TENM1: variants seen among roughly 807,000 people sequenced by gnomAD.
The protein encoded by TENM1 is teneurin-1.
In TENM1, 35 loss-of-function variants were observed where a neutral mutation model predicts 174.8. That is an observed-to-expected ratio of 0.20 (90% CI 0.15 to 0.27). The LOEUF (loss-of-function observed/expected upper bound fraction) is 0.27. Among genes scored for constraint, TENM1 ranks in the 10% least tolerant of loss-of-function variants. The pLI, the probability that TENM1 is intolerant of heterozygous loss-of-function variation, is 1.00. For missense variants in TENM1, 1,633 were observed against 2,130.1 expected, an observed-to-expected ratio of 0.77 and a Z score of 4.59; for synonymous variants, 781 against 798.7, an observed-to-expected ratio of 0.98 and a Z score of 0.37.
At chrX:124,768,868 T>C (rs1442239850) in intron 3 of TENM1, among the ~76,000 whole-genome samples, 1 of 112,443 alleles carries the variant, frequency 8.9e-6, no homozygotes, top group Non-Finnish European at 1.9e-5. Flanking sequence ...AGAATCTAAA[T>C]GTTGTCCATT....
intron 28 of TENM1, among the ~76,000 whole-genome samples, chrX:124,386,911 G>A (rs748846050): frequency 2.0e-4 from 22 of 108,790 alleles, no homozygotes; most frequent in Admixed American, 1.8e-3. Context: ...GTTAAGGGAC[G>A]GTTGCAAGAG....
chrX:124,770,781 G>C (rs1008004873), intron 3 of TENM1, among the ~76,000 whole-genome samples: 1 of 109,228 alleles, frequency 9.2e-6, no homozygotes, highest in Admixed American at 9.8e-5. Context: ...TCTTTCTTGC[G>C]TTCTTTTTCT....
At chrX:124,465,079 A>G (rs1227424944) in intron 22 of TENM1, among the ~76,000 whole-genome samples, 1 of 111,973 alleles carries the variant, frequency 8.9e-6, no homozygotes, top group Admixed American at 9.5e-5. Flanking sequence ...GACTTTAACA[A>G]ATTTAAATAG....
chrX:125,106,990 A>G, the TENM1 span, among the ~76,000 whole-genome samples: 1 of 111,997 alleles, frequency 8.9e-6, no homozygotes, highest in Non-Finnish European at 1.9e-5. Flanking sequence ...TAGCCTGGAC[A>G]TCAGTGCAAC....
At chrX:124,680,939 A>G (rs1489161695) in intron 5 of TENM1, among the ~76,000 whole-genome samples, 1 of 111,051 alleles carries the variant, frequency 9.0e-6, no homozygotes, top group Non-Finnish European at 1.9e-5. Context: ...AAAGACCCAA[A>G]TAAAACTTGT....
chrX:124,888,295 C>T (rs1303134675), intron 3 of TENM1, among the ~76,000 whole-genome samples: 1 of 111,522 alleles, frequency 9.0e-6, no homozygotes, highest in Non-Finnish European at 1.9e-5. Flanking sequence ...ATTCCCTTAC[C>T]TGTAAAGTTG....
intron 11 of TENM1, among the ~76,000 whole-genome samples, chrX:124,581,461 T>C (rs2049309187): frequency 9.0e-6 from 1 of 111,697 alleles, no homozygotes; most frequent in Non-Finnish European, 1.9e-5. Context: ...CTAAGTGATC[T>C]CAAGTCTCTG....
the TENM1 span, among the ~76,000 whole-genome samples, chrX:125,082,513 T>C: frequency 9.0e-6 from 1 of 111,283 alleles, no homozygotes; most frequent in Non-Finnish European, 1.9e-5. Context: ...TTTTGTCTAA[T>C]AGTGCATGCT....
the TENM1 span, among the ~76,000 whole-genome samples, chrX:125,087,843 T>G: frequency 1.0e-3 from 112 of 111,341 alleles, no homozygotes; most frequent in African/African-American, 3.4e-3. Context: ...TATAAATGAT[T>G]GAATAAATAA....
intron 3 of TENM1, among the ~76,000 whole-genome samples, chrX:124,831,681 T>C (rs777223733): frequency 8.9e-6 from 1 of 112,012 alleles, no homozygotes; most frequent in South Asian, 3.7e-4. Flanking sequence ...AAAGTTGACA[T>C]CCTGAGAACT....
chrX:124,685,300 A>T (rs1388750903), intron 5 of TENM1, among the ~76,000 whole-genome samples: 2 of 111,551 alleles, frequency 1.8e-5, no homozygotes, highest in Non-Finnish European at 3.8e-5. Context: ...CAGATAGACA[A>T]GTGAATAAAA....
the TENM1 span, among the ~76,000 whole-genome samples, chrX:125,062,030 C>G: frequency 8.9e-6 from 1 of 112,298 alleles, no homozygotes; most frequent in Non-Finnish European, 1.9e-5. Flanking sequence ...GCTTCCAGCT[C>G]TAACATTTGC....
At chrX:124,787,347 A>G (rs1202734133) in intron 3 of TENM1, among the ~76,000 whole-genome samples, 2 of 107,685 alleles carry the variant, frequency 1.9e-5, no homozygotes, top group African/African-American at 3.6e-5. Flanking sequence ...TGATTTTACA[A>G]ACTTTGGGAA....
At chrX:124,790,489 GAGGCTACAAA>G (rs2055154927) in intron 3 of TENM1, among the ~76,000 whole-genome samples, 1 of 112,059 alleles carries the variant, frequency 8.9e-6, no homozygotes, top group Admixed American at 9.5e-5. Context: ...GAGAAAGTCA[GAGGCTACAAA>G]AGCTACTCCA....
At chrX:125,200,027 C>T in the TENM1 span, among the ~76,000 whole-genome samples, 3 of 111,132 alleles carry the variant, frequency 2.7e-5, no homozygotes, top group Admixed American at 2.9e-4. Flanking sequence ...GAACAGACAC[C>T]TATGGTTGGT....
At chrX:124,619,913 C>T (rs2050480779) in intron 11 of TENM1, among the ~76,000 whole-genome samples, 1 of 111,815 alleles carries the variant, frequency 8.9e-6, no homozygotes, top group Non-Finnish European at 1.9e-5. Flanking sequence ...ATGATGCAAT[C>T]AAAGGACTTG....
chrX:124,845,561 C>A (rs1427551974), intron 3 of TENM1, among the ~76,000 whole-genome samples: 1 of 111,606 alleles, frequency 9.0e-6, no homozygotes, highest in Non-Finnish European at 1.9e-5. Context: ...GTCCTGTATT[C>A]CGAGCATCAG....
chrX:124,982,061 T>C, the TENM1 span, among the ~76,000 whole-genome samples: 1 of 72,599 alleles, frequency 1.4e-5, no homozygotes, highest in Admixed American at 1.3e-4. Flanking sequence ...ACTGGGTTCA[T>C]ACCATTTTAA....
intron 3 of TENM1, among the ~76,000 whole-genome samples, chrX:124,755,286 T>C (rs1348977393): frequency 1.8e-5 from 2 of 110,686 alleles, no homozygotes; most frequent in Admixed American, 1.9e-4. Flanking sequence ...TTAAAGTCTG[T>C]TTTATCAGAG....
Sources: gnomAD v4.1 joint callset for allele counts (sites outside exome capture counted in the v4.1 genomes callset) on GRCh38, gnomAD v4.1.1 for gene constraint, MANE v1.5 for transcripts, NCBI Gene and HGNC (gene_info 2026-07-23, HGNC 2026-07-21) for gene names.